Variants in LZTS1 observed in about 807,000 individuals in gnomAD.
LZTS1 encodes leucine zipper putative tumor suppressor 1.
LZTS1 carries 31 observed loss-of-function variants against 45.8 expected under a neutral mutation model. The observed-to-expected ratio is 0.68, with a 90% CI of 0.51 to 0.91. The LOEUF (loss-of-function observed/expected upper bound fraction) is 0.91. Among genes scored for constraint, LZTS1 ranks in the 40% least tolerant of loss-of-function variants. LZTS1 has a pLI of 0.00. For missense variants in LZTS1, 821 were observed against 788.9 expected (o/e 1.04, Z -0.49); for synonymous variants, 359 against 357.3 (o/e 1.00, Z -0.05).
intron 1 of LZTS1, among the ~76,000 whole-genome samples, chr8:20,302,459 A>C (rs539301885): frequency 6.6e-6 from 1 of 152,166 alleles, no homozygotes; most frequent in Non-Finnish European, 1.5e-5. Flanking sequence ...TTTTGAACTT[A>C]GAGAAAGCTC....
At position 20,253,109 on chromosome 8, in the gene LZTS1, C is replaced by T. The variant is rs1406968114; in HGVS notation, c.822G>A (p.Glu274=). ...QELEQKLLER[E]GALQKLQRSF... ...TGCGCTGCAGCTTCTGGAGGGCGCC[C>T]TCCCTCTCCAACAGCTTCTGCTCCA... The change falls in exon 3 of 4, where the codon GAG becomes GAA. Residue 274 remains glutamate, a synonymous_variant. Coordinates refer to ENST00000381569, the MANE Select transcript of LZTS1 (RefSeq NM_021020.5). 6.2e-7 allele frequency: 1 copy of T among 1,611,422 alleles called. No individual in the cohort carries two copies. Among genetic ancestry groups the T allele is most frequent in the Admixed American group, 1.7e-5 (1 of 60,010 alleles).
chr8:20,275,392 A>T (rs1236085002), intron 1 of LZTS1, among the ~76,000 whole-genome samples: 1 of 139,686 alleles, frequency 7.2e-6, no homozygotes, highest in Non-Finnish European at 1.6e-5. Flanking sequence ...GCAACAGAGT[A>T]AGACTTCATC....
In LZTS1 at chr8:20,295,652, C is replaced by T. The variant is rs576254771; in HGVS notation, c.-135+8088G>A. On this transcript the variant is annotated intron_variant, in intron 1 of 3. Coordinates refer to ENST00000381569, the MANE Select transcript of LZTS1 (RefSeq NM_021020.5). ...AGAGATAAAAAGCTAAATATGAATA[C>T]ATGGGAACAAGTGCTCAAATGGGAG... Among the ~76,000 whole-genome samples, 3 of 152,282 alleles carry T rather than the reference C, an allele frequency of 2.0e-5. No individual in the cohort carries two copies. The South Asian group carries it at 6.2e-4, about 32-fold the overall frequency.
intron 1 of LZTS1, among the ~76,000 whole-genome samples, chr8:20,276,888 G>C (rs117729821): frequency 6.6e-6 from 1 of 152,168 alleles, no homozygotes; most frequent in African/African-American, 2.4e-5. Context: ...AGAGGAAAAC[G>C]GTTTATTTAT....
intron 1 of LZTS1, among the ~76,000 whole-genome samples, chr8:20,293,476 G>T (rs555869648): frequency 6.6e-6 from 1 of 152,308 alleles, no homozygotes; most frequent in Middle Eastern, 3.4e-3. Flanking sequence ...ACTCGGTGCT[G>T]ATTCTGTTTT....
intron 1 of LZTS1, among the ~76,000 whole-genome samples, chr8:20,271,769 T>C (rs997800523): frequency 3.9e-5 from 6 of 152,232 alleles, no homozygotes; most frequent in African/African-American, 1.4e-4. Flanking sequence ...GCCAGTCCTA[T>C]GCTCTGTTAA....
At chr8:20,268,746 T>G (rs1029208929) in intron 1 of LZTS1, among the ~76,000 whole-genome samples, 10 of 149,306 alleles carry the variant, frequency 6.7e-5, no homozygotes, top group Non-Finnish European at 1.5e-4. Flanking sequence ...GGGCTGAGGT[T>G]GCTGAGGTGC....
intron 1 of LZTS1, among the ~76,000 whole-genome samples, chr8:20,273,050 A>G (rs1016102219): frequency 7.2e-5 from 11 of 152,056 alleles, no homozygotes; most frequent in Admixed American, 4.6e-4. Context: ...CAATCCACAG[A>G]GGCCCTGGTT....
At chr8:20,297,526 C>T (rs1169216928) in intron 1 of LZTS1, among the ~76,000 whole-genome samples, 3 of 151,892 alleles carry the variant, frequency 2.0e-5, no homozygotes, top group East Asian at 3.9e-4. Flanking sequence ...GCAATTCTCC[C>T]GCCTCAGCCT....
intron 3 of LZTS1, among the ~76,000 whole-genome samples, chr8:20,251,131 ATATATATAT>A (rs1799892126): frequency 2.2e-5 from 1 of 45,974 alleles, no homozygotes; most frequent in African/African-American, 5.3e-5. Context: ...ATATATATAT[ATATATATAT>A]ATATATATAA....
At chr8:20,271,380 T>C (rs1800472196) in intron 1 of LZTS1, among the ~76,000 whole-genome samples, 1 of 152,130 alleles carries the variant, frequency 6.6e-6, no homozygotes, top group Non-Finnish European at 1.5e-5. Flanking sequence ...ATTAACCTCT[T>C]GTTGGAAGCC....
chr8:20,259,425 T>C (rs1800178789), intron 1 of LZTS1, among the ~76,000 whole-genome samples: 1 of 152,116 alleles, frequency 6.6e-6, no homozygotes, highest in Non-Finnish European at 1.5e-5. Flanking sequence ...TTCTCATCCA[T>C]CTCCTCTCAC....
At chr8:20,260,132 C>T (rs532254525) in intron 1 of LZTS1, among the ~76,000 whole-genome samples, 12 of 152,290 alleles carry the variant, frequency 7.9e-5, no homozygotes, top group African/African-American at 2.9e-4. Flanking sequence ...AAACTCCTGA[C>T]CTCAAGCTAT....
chr8:20,298,881 A>C (rs920862966), intron 1 of LZTS1, among the ~76,000 whole-genome samples: 14 of 152,254 alleles, frequency 9.2e-5, no homozygotes, highest in African/African-American at 3.4e-4. Flanking sequence ...GTCTCTAAAA[A>C]ACAAACAAAA....
Position 20,268,114 on chromosome 8 carries a change from C to A in LZTS1, c.-134-12799G>T, listed in dbSNP as rs114428078. The stretch of plus-strand genomic sequence containing the variant: ...GAAAGATGCTAGAATTAGATCCTCG[C>A]ATTTCTTGAAGTCAAAAGAGCAGGT... On this transcript the variant is annotated intron_variant, in intron 1 of 3. Coordinates refer to ENST00000381569, the MANE Select transcript of LZTS1 (RefSeq NM_021020.5). 6.0e-3 allele frequency among the ~76,000 whole-genome samples: 908 copies of A among 152,068 alleles called. 13 individuals are homozygous for A. The highest frequency in any genetic ancestry group is 0.021 in the African/African-American group (873 of 41,462).
In LZTS1 at chr8:20,250,064, G is replaced by A. The variant is rs754437004; in HGVS notation, c.1449C>T (p.Ala483=). Residue 483 remains alanine (A), a synonymous_variant, in exon 4 of 4, where the codon GCC becomes GCT. Transcript: ENST00000381569. ...TGGGCGGCCCCATGTCGCGGGCCAGGGCGGCCTGGGCCCGCAGCTCCTGCA... is the reference window on the plus strand; with the variant it reads ...TGGGCGGCCCCATGTCGCGGGCCAGAGCGGCCTGGGCCCGCAGCTCCTGCA... ...QELQELRAQA[A]LARDMGPPTF... is the part of the protein sequence containing the mutation. 1.2e-6 allele frequency: 2 copies of A among 1,607,482 alleles called. No individual in the cohort carries two copies. Among genetic ancestry groups the A allele is most frequent in the South Asian group, 1.1e-5 (1 of 90,966 alleles).
chr8:20,247,890 C>T lies in LZTS1; in HGVS notation c.*1832G>A, dbSNP rs1799779339. On this transcript the variant is annotated 3_prime_UTR_variant, in exon 4 of 4. Coordinates refer to ENST00000381569, the MANE Select transcript of LZTS1 (RefSeq NM_021020.5). ...TCCTCATCTCAGCAGGCAGCAGGCG[C>T]AGGCATGTGGGAAGGGATGCTGTCC... 1 of 152,786 alleles carries T rather than the reference C, an allele frequency of 6.5e-6. No individual in the cohort carries two copies. The highest frequency in any genetic ancestry group is 1.5e-5 in the Non-Finnish European group (1 of 68,200). The allele number at this position is 152,786 out of a possible 1,614,324, so 9.5% of individuals were successfully genotyped here.
In LZTS1 at chr8:20,248,964, G is replaced by C. The variant is rs532128083; in HGVS notation, c.*758C>G. On this transcript the variant is annotated 3_prime_UTR_variant, in exon 4 of 4. Coordinates refer to ENST00000381569, the MANE Select transcript of LZTS1 (RefSeq NM_021020.5). ...AGGGTCTATGGCTTAAAGAAGAGTG[G>C]TCACCGAGGTCAAAGGTCACTGGCT... is the stretch of plus-strand genomic sequence containing the variant. 1.3e-5 allele frequency: 2 copies of C among 152,908 alleles called. No homozygotes were observed. Among genetic ancestry groups the C allele is most frequent in the African/African-American group, 2.4e-5 (1 of 41,552 alleles). 9.5% of individuals were successfully genotyped at this position (152,908 alleles called of 1,614,324 possible).
chr8:20,259,074 G>C (rs1273871289), intron 1 of LZTS1, among the ~76,000 whole-genome samples: 1 of 152,102 alleles, frequency 6.6e-6, no homozygotes, highest in Admixed American at 6.5e-5. Context: ...ACCCTCCCGT[G>C]CTCTGCGCAA....
Sources: gnomAD v4.1 joint callset for allele counts (sites outside exome capture counted in the v4.1 genomes callset) on GRCh38, gnomAD v4.1.1 for gene constraint, MANE v1.5 for transcripts, NCBI Gene and HGNC (gene_info 2026-07-23, HGNC 2026-07-21) for gene names.